CDYL: variants seen among roughly 807,000 people sequenced by gnomAD.
CDYL encodes chromodomain Y-like protein.
Under a neutral mutation model 47.3 loss-of-function variants are expected in CDYL, and 8 were observed. The ratio of observed to expected loss-of-function variants is 0.17; its 90% CI spans 0.10 to 0.31. The LOEUF is 0.31. CDYL is among the 10% of genes least tolerant of loss of function. The probability of loss-of-function intolerance (pLI) is 1.00; values close to 1 mark genes in which losing one functional copy is unlikely to be tolerated. For synonymous variants in CDYL, 266 were observed against 265.0 expected (o/e 1.00, Z -0.04); for missense variants, 471 against 701.4 (o/e 0.67, Z 3.71).
intron 2 of CDYL, among the ~76,000 whole-genome samples, chr6:4,897,987 G>A (rs1468673531): frequency 6.6e-6 from 1 of 151,838 alleles, no homozygotes; most frequent in Admixed American, 6.6e-5. Context: ...AACCCAGGAG[G>A]CAAGAGGTTG....
chr6:4,943,481 A>T, intron 4 of CDYL, 65 bp from the exon 5 acceptor site: 1 of 1,176,918 alleles, frequency 8.5e-7, no homozygotes, highest in Non-Finnish European at 1.2e-6. Context: ...GAATTCCATA[A>T]TAGACTTTTC....
At position 4,911,028 on chromosome 6, in the gene CDYL, C is replaced by T. The variant is rs959165254; in HGVS notation, c.691+18649C>T. Among the ~76,000 whole-genome samples, 29 of 152,168 alleles carry T rather than the reference C, an allele frequency of 1.9e-4. 1 individual carries two copies. The highest frequency in any genetic ancestry group is 6.5e-4 in the African/African-American group (27 of 41,520). On this transcript the variant is annotated intron_variant, in intron 2 of 6. Transcript: ENST00000397588. Reference sequence around the variant, plus strand: ...TTTTTTTTGTATTTTTTAGTAGAGACGGGGTTTCACCGTGGTCTCGATCTC... The same window carrying T: ...TTTTTTTTGTATTTTTTAGTAGAGATGGGGTTTCACCGTGGTCTCGATCTC...
chr6:4,735,512 C>T lies in CDYL; in HGVS notation c.186+668C>T, dbSNP rs376246689. 1.8e-4 allele frequency among the ~76,000 whole-genome samples: 28 copies of T among 152,190 alleles called. No individual in the cohort carries two copies. The East Asian group carries it at 3.1e-3, about 17-fold the overall frequency. ...GGCTCAGTGGCTCATGGCTGTAATC[C>T]TAGCCCTTTGGGAGGCCTAGGTGGG... On this transcript the variant is annotated intron_variant, in intron 3 of 8. Coordinates refer to the CDYL transcript ENST00000328908.
intron 1 of CDYL, among the ~76,000 whole-genome samples, chr6:4,710,461 C>T (rs2127406146): frequency 6.7e-6 from 1 of 149,822 alleles, no homozygotes; most frequent in Non-Finnish European, 1.5e-5. Flanking sequence ...AGAATGAGTC[C>T]AGCATCCTTA....
At chr6:4,758,351 A>AATAAATATATATAT (rs1554134097) in intron 3 of CDYL, among the ~76,000 whole-genome samples, 1,944 of 128,972 alleles carry the variant, frequency 0.015, 25 homozygotes, top group African/African-American at 0.023. Context: ...AAAATAAATA[A>AATAAATATATATAT]ATATATATAT....
At chr6:4,886,325 G>A (rs1223734502) in intron 1 of CDYL, among the ~76,000 whole-genome samples, 2 of 152,104 alleles carry the variant, frequency 1.3e-5, no homozygotes, top group African/African-American at 4.8e-5. Context: ...TTCCAATGTG[G>A]CTGTACCATT....
At chr6:4,827,567 C>T (rs1381232317) in intron 1 of CDYL, among the ~76,000 whole-genome samples, 3 of 152,230 alleles carry the variant, frequency 2.0e-5, no homozygotes, top group African/African-American at 7.2e-5. Flanking sequence ...TATACAGCTC[C>T]ATCTGCTCCC....
rs200520960 is a variant in CDYL at position 4,816,501 on chromosome 6, T to TC, written c.24+39694_24+39695insC. Among the ~76,000 whole-genome samples, 295 of 146,398 alleles carry TC rather than the reference T, an allele frequency of 2.0e-3. 2 individuals carry two copies. The highest frequency in any genetic ancestry group is 1.5e-3 in the Non-Finnish European group (101 of 66,324). On this transcript the variant is annotated intron_variant, in intron 1 of 6. Coordinates refer to ENST00000397588, the MANE Select transcript of CDYL (RefSeq NM_004824.4). ...TTTGATTTATTTTTCTTTCTTTCTTTTTTTTTTTTTTTTTTAATGGAGTCT... is the reference window on the plus strand; with the variant it reads ...TTTGATTTATTTTTCTTTCTTTCTTTCTTTTTTTTTTTTTTTAATGGAGTCT...
chr6:4,932,387 C>A (rs1051915569), intron 2 of CDYL, among the ~76,000 whole-genome samples: 3 of 152,120 alleles, frequency 2.0e-5, no homozygotes, highest in Non-Finnish European at 4.4e-5. Flanking sequence ...TATAAGGGCA[C>A]TCATCCCATT....
chr6:4,804,723 C>G (rs1173946884), intron 1 of CDYL, among the ~76,000 whole-genome samples: 1 of 152,202 alleles, frequency 6.6e-6, no homozygotes, highest in African/African-American at 2.4e-5. Flanking sequence ...CCGTCTGGGT[C>G]CATTCTCCTA....
chr6:4,720,395 C>T (rs1480584944), intron 2 of CDYL, among the ~76,000 whole-genome samples: 2 of 152,186 alleles, frequency 1.3e-5, no homozygotes, highest in Non-Finnish European at 2.9e-5. Context: ...TATCCAGTTA[C>T]ACCTAGTAGG....
At chr6:4,717,990 C>G (rs936076972) in intron 2 of CDYL, among the ~76,000 whole-genome samples, 5 of 152,058 alleles carry the variant, frequency 3.3e-5, no homozygotes, top group Admixed American at 6.5e-5. Context: ...CGATTGTAGG[C>G]ACATGCCACC....
At chr6:4,738,657 C>T (rs1018892865) in intron 3 of CDYL, among the ~76,000 whole-genome samples, 2 of 152,158 alleles carry the variant, frequency 1.3e-5, no homozygotes, top group African/African-American at 4.8e-5. Context: ...AGTACAACCT[C>T]TGACCCAATT....
rs187099630 is a variant in CDYL, at chr6:4,757,412, A to G, written c.186+22568A>G. Among the ~76,000 whole-genome samples, 10 of 152,350 alleles carry G rather than the reference A, an allele frequency of 6.6e-5. No individual in the cohort carries two copies. In the East Asian group the frequency reaches 1.9e-3, roughly 29 times the overall value. ...ATTTCTATCATGGCTTTTCTTAACA[A>G]AACCAAGTTAGCAAACTGATGTTCA... On this transcript the variant is annotated intron_variant, in intron 3 of 8. Transcript: ENST00000328908.
At chr6:4,945,454 C>T (rs574504063) in intron 5 of CDYL, among the ~76,000 whole-genome samples, 89 of 152,252 alleles carry the variant, frequency 5.8e-4, no homozygotes, top group African/African-American at 2.1e-3. Context: ...CAGGGTAGTT[C>T]CCCTCACCCA....
chr6:4,883,917 G>A (rs1301170995), intron 1 of CDYL, among the ~76,000 whole-genome samples: 1 of 152,158 alleles, frequency 6.6e-6, no homozygotes, highest in African/African-American at 2.4e-5. Context: ...AGTCCTCATA[G>A]AACAGTGGCA....
chr6:4,836,099 C>T (rs975455779), intron 1 of CDYL: 10 of 169,508 alleles, frequency 5.9e-5, no homozygotes, highest in Non-Finnish European at 9.6e-5. Context: ...CCTGTGCCCA[C>T]TGTCTGGCAC....
intron 2 of CDYL, among the ~76,000 whole-genome samples, chr6:4,895,269 G>A (rs1312048201): frequency 2.5e-5 from 2 of 78,844 alleles, no homozygotes; most frequent in African/African-American, 9.9e-5. Flanking sequence ...ATGTATACAT[G>A]TATGTATATA....
At chr6:4,927,416 G>A (rs977653828) in intron 2 of CDYL, among the ~76,000 whole-genome samples, 104 of 108,764 alleles carry the variant, frequency 9.6e-4, no homozygotes, top group African/African-American at 3.0e-3. Flanking sequence ...TCCATCATTC[G>A]AATTTACTGT....
Sources: allele counts gnomAD v4.1 joint callset (sites outside exome capture counted in the v4.1 genomes callset), GRCh38; gene constraint gnomAD v4.1.1; transcripts MANE v1.5; gene names NCBI Gene and HGNC (gene_info 2026-07-23, HGNC 2026-07-21).